The following TRMT13 variants were observed in gnomAD, a reference collection of about 807,000 sequenced individuals.
TRMT13 encodes tRNA methyltransferase 13.
TRMT13 carries 45 observed loss-of-function variants against 55.9 expected under a neutral mutation model. That is an observed-to-expected ratio of 0.80 (90% CI 0.63 to 1.03). The LOEUF (loss-of-function observed/expected upper bound fraction) is 1.03, where lower values mean the gene tolerates loss of function less well. TRMT13 is among the 50% of genes least tolerant of loss of function. The pLI is 0.00. For missense variants in TRMT13, 513 were observed against 563.9 expected (o/e 0.91, Z 0.91); for synonymous variants, 183 against 196.3 (o/e 0.93, Z 0.57).
intron 1 of TRMT13, among the ~76,000 whole-genome samples, chr1:100,134,075 AG>A (rs1469481006): frequency 2.1e-5 from 3 of 144,610 alleles, no homozygotes; most frequent in Non-Finnish European, 2.9e-5. Flanking sequence ...ATCTCAAAAA[AG>A]AAAAAAAAAT....
At chr1:100,138,506 CTT>C (rs2101723567) in intron 3 of TRMT13, among the ~76,000 whole-genome samples, 1 of 152,306 alleles carries the variant, frequency 6.6e-6, no homozygotes, top group African/African-American at 2.4e-5. Flanking sequence ...TTCCTGCAGT[CTT>C]CACTCATTCC....
intron 3 of TRMT13, 63 bp downstream of exon 3, chr1:100,137,148 G>A (rs1570731255): frequency 1.5e-6 from 2 of 1,347,916 alleles, no homozygotes; most frequent in Non-Finnish European, 2.1e-6. Context: ...GGTAGATGCT[G>A]CACATGGAAT....
At chr1:100,135,600 T>C (rs769667502) in intron 1 of TRMT13, among the ~76,000 whole-genome samples, 4 of 152,160 alleles carry the variant, frequency 2.6e-5, no homozygotes, top group Non-Finnish European at 5.9e-5. Context: ...TAAGACATAT[T>C]TTTGTTCTCA....
At chr1:100,141,629 G>A (rs906461591) in intron 7 of TRMT13, among the ~76,000 whole-genome samples, 2 of 152,162 alleles carry the variant, frequency 1.3e-5, no homozygotes, top group African/African-American at 4.8e-5. Context: ...ACTGTGCCCA[G>A]CCACTTTATT....
intron 7 of TRMT13, among the ~76,000 whole-genome samples, chr1:100,141,451 T>G (rs1438090216): frequency 6.6e-6 from 1 of 152,090 alleles, no homozygotes; most frequent in Non-Finnish European, 1.5e-5. Flanking sequence ...CATTTCAGCC[T>G]CATGAGTAGC....
chr1:100,148,390 G>A, intron 10 of TRMT13, 64 bp downstream of exon 10: 4 of 1,438,192 alleles, frequency 2.8e-6, no homozygotes, highest in Admixed American at 4.2e-5. Context: ...CTGTACTTTA[G>A]ATGACTATTA....
intron 7 of TRMT13, 84 bp downstream of exon 7, chr1:100,141,103 T>A: frequency 7.9e-7 from 1 of 1,262,224 alleles, no homozygotes; most frequent in Non-Finnish European, 1.1e-6. Context: ...AAACATTTCT[T>A]AAAAGAAAGG....
chr1:100,133,443 T>A, intron 1 of TRMT13, 128 bp downstream of exon 1: 1 of 1,175,730 alleles, frequency 8.5e-7, no homozygotes, highest in South Asian at 1.6e-5. Context: ...GCTTTCACTT[T>A]AATAAACCCA....
At chr1:100,142,073 T>C (rs751474405) in intron 7 of TRMT13, among the ~76,000 whole-genome samples, 1 of 152,258 alleles carries the variant, frequency 6.6e-6, no homozygotes, top group Non-Finnish European at 1.5e-5. Context: ...ATTTAGTTCT[T>C]GGCTTTGAGG....
chr1:100,148,876 A>G lies in TRMT13; in HGVS notation c.*56A>G, dbSNP rs1311472048. On this transcript the variant is annotated 3_prime_UTR_variant, in exon 11 of 11. Coordinates refer to ENST00000370141, the MANE Select transcript of TRMT13 (RefSeq NM_019083.3). ...CCACCAAAAAAAATTTTTTAATTAT[A>G]TTTTTATATCAAAAAAATATATACT... The G allele has an allele frequency of 4.2e-6, 5 of 1,184,872 alleles. No individual in the cohort carries two copies. Among genetic ancestry groups the G allele is most frequent in the Non-Finnish European group, 4.4e-6 (4 of 911,394 alleles). 73.4% of individuals were successfully genotyped at this position (1,184,872 alleles called of 1,614,324 possible). A position where few individuals can be genotyped will look rare whatever the true frequency, so the allele number is the denominator to read the frequency against.
intron 1 of TRMT13, among the ~76,000 whole-genome samples, chr1:100,135,793 C>CT (rs920963966): frequency 6.6e-6 from 1 of 152,110 alleles, no homozygotes; most frequent in Non-Finnish European, 1.5e-5. Context: ...ATTTTCCTTT[C>CT]TTTTTTCCCA....
chr1:100,148,637 T>C lies in TRMT13; in HGVS notation c.1263T>C (p.Val421=), dbSNP rs1313309439. The change falls in exon 11 of 11, where the codon GTT becomes GTC. Residue 421 remains valine (V), a synonymous_variant. Transcript: ENST00000370141. The part of the protein sequence containing the change: ...GADCLPGLLS[V]EEKKKIGHLC... ...TTATTCAATTTAGGCTTCTTAGTGT[T>C]GAAGAAAAGAAGAAAATAGGGCATC... is the stretch of plus-strand genomic sequence containing the variant. 9.3e-6 allele frequency: 15 copies of C among 1,607,646 alleles called. No homozygotes were observed. Among genetic ancestry groups the C allele is most frequent in the Non-Finnish European group, 1.3e-5 (15 of 1,178,464 alleles).
Position 100,145,774 on chromosome 1 carries a change from G to T in TRMT13, c.817+1631G>T, listed in dbSNP as rs150508609. 2.5e-4 allele frequency among the ~76,000 whole-genome samples: 38 copies of T among 152,280 alleles called. No individual in the cohort carries two copies. The East Asian group carries it at 7.1e-3, about 29-fold the overall frequency. ...TAGTCCCAGCTATTCAGGAGGCTGA[G>T]GTGGGAGGATCACTTGAGCCTAAGA... On this transcript the variant is annotated intron_variant, in intron 9 of 10. Transcript: ENST00000370141.
chr1:100,136,966 G>C (rs1309279653), intron 2 of TRMT13, 38 bp downstream of exon 2: 8 of 1,599,806 alleles, frequency 5.0e-6, no homozygotes, highest in Non-Finnish European at 6.8e-6. Context: ...TTTTGTGCTG[G>C]AAACAGTAAT....
At position 100,134,694 on chromosome 1, in the gene TRMT13, G is replaced by A. The variant is rs1268310847; in HGVS notation, c.147+1379G>A. Among the ~76,000 whole-genome samples, 4 of 152,302 alleles carry A rather than the reference G, an allele frequency of 2.6e-5. No individual in the cohort carries two copies. The South Asian group carries it at 6.2e-4, about 24-fold the overall frequency. On this transcript the variant is annotated intron_variant, in intron 1 of 10. Coordinates refer to ENST00000370141, the MANE Select transcript of TRMT13 (RefSeq NM_019083.3). ...TTGTTGAAGAATGAGAGTTATGATAGGAGAAGGATTTAGACTCCACCTTAT... is the reference window on the plus strand; with the variant it reads ...TTGTTGAAGAATGAGAGTTATGATAAGAGAAGGATTTAGACTCCACCTTAT...
rs767533656 is a variant in TRMT13, at chr1:100,148,662, C to A, written c.1288C>A (p.Leu430Ile). The change falls in exon 11 of 11, where the codon CTT (leucine) becomes ATT (isoleucine). Residue 430 changes from leucine (L) to isoleucine (I), a missense_variant. Around this residue, in one of 3 missense-constraint regions of TRMT13, gnomAD observed 209 missense variants for 255.8 expected, o/e 0.82. Transcript: ENST00000370141. ...SVEEKKKIGH[L>I]CKLLIDQGRI... ...TGAAGAAAAGAAGAAAATAGGGCAT[C>A]TTTGTAAATTGCTGATTGACCAAGG... The A allele has an allele frequency of 1.1e-5, 18 of 1,611,574 alleles. No homozygotes were observed. Among genetic ancestry groups the A allele is most frequent in the East Asian group, 1.1e-4 (5 of 44,782 alleles).
In TRMT13 at chr1:100,148,250, A is replaced by G; in HGVS notation, c.1174A>G (p.Asn392Asp). Reference sequence around the variant, plus strand: ...AAATAGTACCACAAAGAGGCAAGATAATCAGAATGATGATAGTGAAGAGCA... The same window carrying G: ...AAATAGTACCACAAAGAGGCAAGATGATCAGAATGATGATAGTGAAGAGCA... ...TSNSTTKRQDNQNDDSEEHDD... is the reference protein window; with the variant it reads ...TSNSTTKRQDDQNDDSEEHDD... The change falls in exon 10 of 11, where the codon AAT becomes GAT. Residue 392 changes from asparagine (N) to aspartate (D), a missense_variant. Asn to Asp is a conservative substitution (Grantham distance 23). Coordinates refer to ENST00000370141, the MANE Select transcript of TRMT13 (RefSeq NM_019083.3). 6.2e-7 allele frequency: 1 copy of G among 1,614,190 alleles called. No individual in the cohort carries two copies. The highest frequency in any genetic ancestry group is 1.1e-5 in the South Asian group (1 of 91,088).
At chr1:100,145,053 C>A (rs1282489509) in intron 9 of TRMT13, among the ~76,000 whole-genome samples, 1 of 152,034 alleles carries the variant, frequency 6.6e-6, no homozygotes, top group African/African-American at 2.4e-5. Context: ...TTTACTGTAC[C>A]TTTTTTGTAT....
rs557015136 is a variant in TRMT13, at chr1:100,139,889, A to G, written c.324+178A>G. On this transcript the variant is annotated intron_variant, in intron 4 of 10. Coordinates refer to ENST00000370141, the MANE Select transcript of TRMT13 (RefSeq NM_019083.3). The stretch of plus-strand genomic sequence containing the variant: ...CTAGACCCAGACCAGCTCATGCCCC[A>G]TAACAAAAGAAGCTACAATATGGCC... Among the ~76,000 whole-genome samples, 6 of 152,372 alleles carry G rather than the reference A, an allele frequency of 3.9e-5. No homozygotes were observed. In the South Asian group the frequency reaches 1.2e-3, roughly 32 times the overall value.
Sources: gnomAD v4.1 joint callset for allele counts (sites outside exome capture counted in the v4.1 genomes callset) on GRCh38, gnomAD v4.1.1 for gene constraint, gnomAD v4.1.1 regional missense constraint, MANE v1.5 for transcripts, NCBI Gene and HGNC (gene_info 2026-07-23, HGNC 2026-07-21) for gene names.